The following GTF2I variants were observed in gnomAD, a reference collection of about 807,000 sequenced individuals.
GTF2I encodes the protein general transcription factor IIi.
In GTF2I, 12 loss-of-function variants were observed where a neutral mutation model predicts 67.6. That is an observed-to-expected ratio of 0.18 (90% CI 0.11 to 0.29). The LOEUF (loss-of-function observed/expected upper bound fraction) is 0.29. Ranked by LOEUF, GTF2I falls within the 10% of genes least tolerant of loss-of-function variation. The probability of loss-of-function intolerance (pLI) is 1.00; values close to 1 mark genes in which losing one functional copy is unlikely to be tolerated. For missense variants in GTF2I, 271 were observed against 580.1 expected (o/e 0.47, Z 5.47); for synonymous variants, 149 against 197.0 (o/e 0.76, Z 2.04).
intron 23 of GTF2I, among the ~76,000 whole-genome samples, chr7:74,746,964 A>G (rs1554409236): frequency 7.0e-6 from 1 of 142,658 alleles, no homozygotes; most frequent in Non-Finnish European, 1.5e-5. Flanking sequence ...GCTAATTTTT[A>G]TATCTTTAGT....
chr7:74,732,132 T>C (rs1329942437), intron 14 of GTF2I, among the ~76,000 whole-genome samples: 8 of 141,788 alleles, frequency 5.6e-5, no homozygotes, highest in African/African-American at 2.3e-4. Flanking sequence ...TATATACATA[T>C]ACACATATAC....
At chr7:74,699,981 A>G (rs1192378762) in intron 4 of GTF2I, 12 of 326,986 alleles carry the variant, frequency 3.7e-5, no homozygotes, top group East Asian at 5.7e-5. Context: ...AAGAAAGACA[A>G]TAGTGCAAGA....
At chr7:74,705,101 C>T in intron 6 of GTF2I, 63 bp from the exon 7 acceptor site, 1 of 982,532 alleles carries the variant, frequency 1.0e-6, no homozygotes, top group Non-Finnish European at 1.6e-6. Flanking sequence ...TATTTAAAGC[C>T]TTTAGACATA....
intron 1 of GTF2I, among the ~76,000 whole-genome samples, chr7:74,666,011 T>C (rs1462115356): frequency 2.6e-5 from 4 of 152,148 alleles, no homozygotes; most frequent in Non-Finnish European, 5.9e-5. Flanking sequence ...AGCTAATTTT[T>C]GTATTTTTTA....
In GTF2I at chr7:74,677,997, C is replaced by T. The variant is rs1242233986; in HGVS notation, c.-5-11127C>T. Reference sequence around the variant, plus strand: ...TAGTCCATTTTTTGGAATAGGGGGACAAAAACTTAGGTTTGGACGGAAAAT... The same window carrying T: ...TAGTCCATTTTTTGGAATAGGGGGATAAAAACTTAGGTTTGGACGGAAAAT... On this transcript the variant is annotated intron_variant, in intron 1 of 34. Transcript: ENST00000573035. Among the ~76,000 whole-genome samples, 10 of 151,994 alleles carry T rather than the reference C, an allele frequency of 6.6e-5. 1 individual carries two copies. Among genetic ancestry groups the T allele is most frequent in the African/African-American group, 2.4e-4 (10 of 41,494 alleles).
chr7:74,670,919 A>G (rs1421612600), intron 1 of GTF2I, among the ~76,000 whole-genome samples: 3 of 152,012 alleles, frequency 2.0e-5, no homozygotes, highest in Admixed American at 6.6e-5. Flanking sequence ...TATAATTAAT[A>G]CATATGCAAA....
intron 11 of GTF2I, chr7:74,717,174 G>T: frequency 1.4e-5 from 6 of 415,524 alleles, no homozygotes; most frequent in South Asian, 7.1e-5. Context: ...TAAGTGGTAA[G>T]TAAAGCTCTT....
chr7:74,717,821 C>T (rs1446153140), intron 11 of GTF2I, among the ~76,000 whole-genome samples: 1 of 152,172 alleles, frequency 6.6e-6, no homozygotes, highest in Non-Finnish European at 1.5e-5. Context: ...CTGGTTTCTC[C>T]AAATTCAATT....
chr7:74,695,436 TTAC>T (rs1254705361), intron 3 of GTF2I, among the ~76,000 whole-genome samples: 14 of 152,200 alleles, frequency 9.2e-5, no homozygotes, highest in Non-Finnish European at 1.9e-4. Context: ...CTGTGTGACT[TTAC>T]TTTATACTTG....
rs587620476 is a variant in GTF2I, at chr7:74,690,887, ATG to A, written c.100-84_100-83del. 2.7e-3 allele frequency: 3,412 copies of A among 1,255,562 alleles called. 108 individuals are homozygous for A. The South Asian group carries it at 0.031, about 12-fold the overall frequency. 77.8% of individuals were successfully genotyped at this position (1,255,562 alleles called of 1,614,324 possible). A position where few individuals can be genotyped will look rare whatever the true frequency, so the allele number is the denominator to read the frequency against. On this transcript the variant is annotated intron_variant, in intron 2 of 34. Transcript: ENST00000573035. ...CTTGAAAGAGAAGTACCTTTAAAAA[ATG>A]TTGTTAGTTTTTTTAATTCATCGAG...
chr7:74,680,656 C>T (rs782302731), intron 1 of GTF2I, among the ~76,000 whole-genome samples: 21 of 152,008 alleles, frequency 1.4e-4, no homozygotes, highest in Non-Finnish European at 2.5e-4. Flanking sequence ...GTGGGAAGAT[C>T]GCTTGAACAC....
chr7:74,708,159 A>G (rs1791012886), intron 8 of GTF2I, among the ~76,000 whole-genome samples: 2 of 151,948 alleles, frequency 1.3e-5, no homozygotes, highest in African/African-American at 2.4e-5. Context: ...AAAAATTAGC[A>G]GGGCATGGTG....
intron 1 of GTF2I, 106 bp downstream of exon 1, chr7:74,658,174 A>AGGGGCCTGGGAGCC (rs1342018789): frequency 6.6e-6 from 1 of 150,598 alleles, no homozygotes; most frequent in East Asian, 2.0e-4. Flanking sequence ...CTGCAGGGAC[A>AGGGGCCTGGGAGCC]GGGGCCTGGG....
At chr7:74,729,276 G>T in intron 13 of GTF2I, among the ~76,000 whole-genome samples, 1 of 74,066 alleles carries the variant, frequency 1.4e-5, no homozygotes, top group Non-Finnish European at 2.5e-5. Flanking sequence ...AGCTCTCAAT[G>T]GATGATGTAT....
At chr7:74,669,309 A>G (rs1554389750) in intron 1 of GTF2I, among the ~76,000 whole-genome samples, 4 of 137,094 alleles carry the variant, frequency 2.9e-5, no homozygotes. Context: ...GCTCAGTACA[A>G]CCTCCACTTC....
chr7:74,673,012 C>T (rs1805591626), intron 1 of GTF2I, among the ~76,000 whole-genome samples: 5 of 152,066 alleles, frequency 3.3e-5, no homozygotes, highest in Admixed American at 2.6e-4. Flanking sequence ...AGGCGCGTGC[C>T]ACCACGCCCG....
intron 6 of GTF2I, among the ~76,000 whole-genome samples, chr7:74,701,471 T>C (rs944015489): frequency 6.6e-6 from 1 of 152,146 alleles, no homozygotes; most frequent in Admixed American, 6.5e-5. Context: ...CTGCCTTTTT[T>C]TTTTATTATT....
At chr7:74,673,661 G>A (rs1250231809) in intron 1 of GTF2I, among the ~76,000 whole-genome samples, 1 of 150,392 alleles carries the variant, frequency 6.6e-6, no homozygotes, top group African/African-American at 2.4e-5. Flanking sequence ...TTACAGGGAT[G>A]AGCCACCACG....
intron 1 of GTF2I, among the ~76,000 whole-genome samples, chr7:74,686,341 G>A (rs1037512529): frequency 1.3e-5 from 2 of 152,014 alleles, no homozygotes; most frequent in African/African-American, 2.4e-5. Flanking sequence ...CCTATTCTCC[G>A]GCCTCATGAT....
Sources: gnomAD v4.1 joint callset for allele counts (sites outside exome capture counted in the v4.1 genomes callset) on GRCh38, gnomAD v4.1.1 for gene constraint, MANE v1.5 for transcripts, NCBI Gene and HGNC (gene_info 2026-07-23, HGNC 2026-07-21) for gene names.